Variants in SLC45A3 observed in about 807,000 individuals in gnomAD.
SLC45A3 encodes solute carrier family 45 member 3.
Under a neutral mutation model 35.3 loss-of-function variants are expected in SLC45A3, and 17 were observed. The ratio of observed to expected loss-of-function variants is 0.48; its 90% confidence interval spans 0.33 to 0.72. The LOEUF (loss-of-function observed/expected upper bound fraction) is 0.72, where lower values mean the gene tolerates loss of function less well. SLC45A3 is among the 30% of genes least tolerant of loss of function. The probability of loss-of-function intolerance (pLI) is 0.02; values close to 1 mark genes in which losing one functional copy is unlikely to be tolerated. For missense variants in SLC45A3, 597 were observed against 731.7 expected, an observed-to-expected ratio of 0.82 and a Z score of 2.12; for synonymous variants, 288 against 334.3, an observed-to-expected ratio of 0.86 and a Z score of 1.51.
At chr1:205,672,987 T>C (rs1671244591) in intron 1 of SLC45A3, among the ~76,000 whole-genome samples, 1 of 152,146 alleles carries the variant, frequency 6.6e-6, no homozygotes, top group African/African-American at 2.4e-5. Flanking sequence ...TACTTTGTAT[T>C]TGGACTTTCA....
At chr1:205,675,345 ACCTGC>A (rs1450929831) in intron 1 of SLC45A3, among the ~76,000 whole-genome samples, 2 of 152,176 alleles carry the variant, frequency 1.3e-5, no homozygotes, top group African/African-American at 4.8e-5. Context: ...AGTTTCTATG[ACCTGC>A]CCTGGAAAAG....
chr1:205,661,044 C>G (rs1671013739), intron 4 of SLC45A3, among the ~76,000 whole-genome samples: 1 of 152,252 alleles, frequency 6.6e-6, no homozygotes, highest in African/African-American at 2.4e-5. Flanking sequence ...GCATCTCCTC[C>G]TCCCTTGGGA....
rs1671388089 is a variant in SLC45A3, at chr1:205,680,438, C to G, written c.-275G>C. The stretch of plus-strand genomic sequence containing the variant: ...GTCACCCGGAGCCAGCGCGTGCAGG[C>G]TGGTTCCGCCCCCCCTTCCTTGCCC... On this transcript the variant is annotated 5_prime_UTR_variant, in exon 1 of 5. Transcript: ENST00000367145. 1 of 152,706 alleles carries G rather than the reference C, an allele frequency of 6.5e-6. No homozygotes were observed. Among genetic ancestry groups the G allele is most frequent in the Non-Finnish European group, 1.5e-5 (1 of 68,476 alleles). The allele number at this position is 152,706 out of a possible 1,614,324, so 9.5% of individuals were successfully genotyped here. A position where few individuals can be genotyped will look rare whatever the true frequency, so the allele number is the denominator to read the frequency against.
chr1:205,674,682 T>C (rs1671281956), intron 1 of SLC45A3, among the ~76,000 whole-genome samples: 2 of 151,656 alleles, frequency 1.3e-5, no homozygotes, highest in Non-Finnish European at 2.9e-5. Context: ...CAAGAGCCCT[T>C]AGAAATGAAA....
rs1671181711 is a variant in SLC45A3 at position 205,669,921 on chromosome 1, C to A, written c.-230-5035G>T. On this transcript the variant is annotated intron_variant, in intron 1 of 4. Transcript: ENST00000367145. The surrounding 1 kb of genome is among the most constrained non-coding windows in gnomAD (Gnocchi z 4.1). ...GTGAGATGGCAGAGAAGGGGCAACC[C>A]CAGCACCTTGCTCCAAACTGAGCTC... Among the ~76,000 whole-genome samples the A allele has an allele frequency of 6.6e-6, 1 of 152,202 alleles. No individual in the cohort carries two copies. Among genetic ancestry groups the A allele is most frequent in the Admixed American group, 6.5e-5 (1 of 15,286 alleles).
rs769387708 is a variant in SLC45A3 at position 205,664,587 on chromosome 1, G to C, written c.70C>G (p.Leu24Val). ...RKAQLLLVNL[L>V]TFGLEVCLAA... ...AAACACACCTCCAGGCCAAAGGTTA[G>C]CAGGTTGACCAGCAAGAGCTGGGCT... The change falls in exon 2 of 5, where the codon CTA becomes GTA. Residue 24 changes from leucine to valine, a missense_variant. Around this residue, in one of 3 missense-constraint regions of SLC45A3, gnomAD observed 37 missense variants for 41.1 expected, o/e 0.90. Coordinates refer to ENST00000367145, the MANE Select transcript of SLC45A3 (RefSeq NM_033102.3). The surrounding 1 kb of genome is among the most constrained non-coding windows in gnomAD (Gnocchi z 5.3). The C allele has an allele frequency of 6.2e-6, 10 of 1,614,282 alleles. No individual in the cohort carries two copies. The highest frequency in any genetic ancestry group is 3.3e-4 in the Middle Eastern group (2 of 6,060).
In SLC45A3 at chr1:205,662,731, A is replaced by T; in HGVS notation, c.958+102T>A. 2 of 1,487,116 alleles carry T rather than the reference A, an allele frequency of 1.3e-6. No individual in the cohort carries two copies. Among genetic ancestry groups the T allele is most frequent in the Non-Finnish European group, 8.9e-7 (1 of 1,123,574 alleles). 92.1% of individuals were successfully genotyped at this position (1,487,116 alleles called of 1,614,324 possible). A position where few individuals can be genotyped will look rare whatever the true frequency, so the allele number is the denominator to read the frequency against. ...TCCATCCCCACTTTCCTGACAGAGA[A>T]GTCGGGGCCAGGATGGAGAGGCACC... is the stretch of plus-strand genomic sequence containing the variant. On this transcript the variant is annotated intron_variant, in intron 3 of 4. Transcript: ENST00000367145. The surrounding 1 kb of genome is among the most constrained non-coding windows in gnomAD (Gnocchi z 6.2).
chr1:205,669,917 A>G lies in SLC45A3; in HGVS notation c.-230-5031T>C, dbSNP rs3902968. The stretch of plus-strand genomic sequence containing the variant: ...GTCAGTGAGATGGCAGAGAAGGGGC[A>G]ACCCCAGCACCTTGCTCCAAACTGA... On this transcript the variant is annotated intron_variant, in intron 1 of 4. Transcript: ENST00000367145. This position sits in a 1 kb window ranked among gnomAD's most constrained non-coding sequence, Gnocchi z 4.1. Among the ~76,000 whole-genome samples, 77,901 of 152,076 alleles carry G rather than the reference A, an allele frequency of 0.51. 22,568 individuals are homozygous for G. The highest frequency in any genetic ancestry group is 0.77 in the African/African-American group (32,099 of 41,530).
chr1:205,666,746 G>A lies in SLC45A3; in HGVS notation c.-230-1860C>T, dbSNP rs1413846354. Among the ~76,000 whole-genome samples, 1 of 152,244 alleles carries A rather than the reference G, an allele frequency of 6.6e-6. No homozygotes were observed. The highest frequency in any genetic ancestry group is 1.9e-4 in the East Asian group (1 of 5,202). ...CCCATACTGTCTCCAAAAGGAAGGT[G>A]GAAGGCCAGACCTCAGTCTTAGCTG... On this transcript the variant is annotated intron_variant, in intron 1 of 4. Coordinates refer to ENST00000367145, the MANE Select transcript of SLC45A3 (RefSeq NM_033102.3). This position sits in a 1 kb window ranked among gnomAD's most constrained non-coding sequence, Gnocchi z 4.1.
In SLC45A3 at chr1:205,659,166, G is replaced by T; in HGVS notation, c.*68C>A. On this transcript the variant is annotated 3_prime_UTR_variant, in exon 5 of 5. Transcript: ENST00000367145. The surrounding 1 kb of genome is among the most constrained non-coding windows in gnomAD (Gnocchi z 5.8). The stretch of plus-strand genomic sequence containing the variant: ...TGGCGGCCAGCCCGGCAGCCCCATG[G>T]GGCTAACAGGAGCGGGGAGCTGGGA... 2 of 1,511,218 alleles carry T rather than the reference G, an allele frequency of 1.3e-6. No individual in the cohort carries two copies. The highest frequency in any genetic ancestry group is 9.0e-7 in the Non-Finnish European group (1 of 1,116,014). The allele number at this position is 1,511,218 out of a possible 1,614,324, so 93.6% of individuals were successfully genotyped here. A position where few individuals can be genotyped will look rare whatever the true frequency, so the allele number is the denominator to read the frequency against.
rs113561964 is a variant in SLC45A3, at chr1:205,675,007, C to T, written c.-231+5387G>A. ...CTGGGATTACAGGCGTGAGCCACCGCGCCCAGCCTAAGTATCCATTTTTAT... is the reference window on the plus strand; with the variant it reads ...CTGGGATTACAGGCGTGAGCCACCGTGCCCAGCCTAAGTATCCATTTTTAT... On this transcript the variant is annotated intron_variant, in intron 1 of 4. Transcript: ENST00000367145. Among the ~76,000 whole-genome samples, 811 of 152,314 alleles carry T rather than the reference C, an allele frequency of 5.3e-3. 7 individuals are homozygous for T. Among genetic ancestry groups the T allele is most frequent in the African/African-American group, 0.019 (780 of 41,560 alleles).
In SLC45A3 at chr1:205,659,604, A is replaced by C. The variant is rs1409052781; in HGVS notation, c.1292T>G (p.Phe431Cys). Residue 431 changes from phenylalanine (F) to cysteine (C), a missense_variant, in exon 5 of 5, where the codon TTC (phenylalanine) becomes TGC (cysteine). Physicochemically the swap from Phe to Cys is radical, Grantham distance 205. Around this residue, in one of 3 missense-constraint regions of SLC45A3, gnomAD observed 555 missense variants for 664.9 expected, o/e 0.83. Coordinates refer to ENST00000367145, the MANE Select transcript of SLC45A3 (RefSeq NM_033102.3). The surrounding 1 kb of genome is among the most constrained non-coding windows in gnomAD (Gnocchi z 5.8). ...AGCTCCAGGCTTAGGGCCTGGCAGG[A>C]AGCTGGTCATCAGGCTGTCCTCACT... Reference protein sequence around the residue: ...ASSEDSLMTSFLPGPKPGAPF... With the variant: ...ASSEDSLMTSCLPGPKPGAPF... 4.5e-6 allele frequency: 7 copies of C among 1,561,314 alleles called. No homozygotes were observed. Among genetic ancestry groups the C allele is most frequent in the Non-Finnish European group, 6.1e-6 (7 of 1,155,586 alleles).
chr1:205,663,220 A>G lies in SLC45A3; in HGVS notation c.571T>C (p.Tyr191His). The G allele has an allele frequency of 6.2e-7, 1 of 1,613,534 alleles. No homozygotes were observed. The highest frequency in any genetic ancestry group is 1.1e-5 in the South Asian group (1 of 91,074). The change falls in exon 3 of 5, where the codon TAC becomes CAC. Residue 191 changes from tyrosine to histidine, a missense_variant. Transcript: ENST00000367145. ...AGGCACTCCTCCTGGGTGCCCAGGT[A>G]GGGGGCCAGGGCACTGGTGTCCCAG... Reference protein sequence around the residue: ...IDWDTSALAPYLGTQEECLFG... With the variant: ...IDWDTSALAPHLGTQEECLFG...
chr1:205,670,680 AG>A (rs1439722808), intron 1 of SLC45A3, among the ~76,000 whole-genome samples: 10 of 152,168 alleles, frequency 6.6e-5, no homozygotes, highest in Non-Finnish European at 8.8e-5. Context: ...AGAGAGGGTG[AG>A]GGGGCTGCAG....
At position 205,664,741 on chromosome 1, in the gene SLC45A3, T is replaced by A; in HGVS notation, c.-85A>T. 2 of 1,528,682 alleles carry A rather than the reference T, an allele frequency of 1.3e-6. No individual in the cohort carries two copies. The highest frequency in any genetic ancestry group is 1.8e-6 in the Non-Finnish European group (2 of 1,142,114). 94.7% of individuals were successfully genotyped at this position (1,528,682 alleles called of 1,614,324 possible). A position where few individuals can be genotyped will look rare whatever the true frequency, so the allele number is the denominator to read the frequency against. ...CGGCTCTGCTCCAGAAGCTGCGGCC[T>A]CTCCTCCTTGCTGCCGCCAACTGCC... On this transcript the variant is annotated 5_prime_UTR_variant, in exon 2 of 5. Transcript: ENST00000367145. The surrounding 1 kb of genome is among the most constrained non-coding windows in gnomAD (Gnocchi z 5.3).
chr1:205,662,125 G>A lies in SLC45A3; in HGVS notation c.960C>T (p.Gly320=), dbSNP rs769235687. The stretch of plus-strand genomic sequence containing the variant: ...ACAGCCCCAGGCTGCCCATCCGAAC[G>A]CCTGCAGAGGGAGAGGGGCCATCAG... ...GTEARRHYDE[G]VRMGSLGLFL... is the part of the protein sequence containing the mutation. The change falls in exon 4 of 5, where the codon GGC becomes GGT. Residue 320 remains glycine (G), a splice_region_variant and synonymous_variant. Transcript: ENST00000367145. The surrounding 1 kb of genome is among the most constrained non-coding windows in gnomAD (Gnocchi z 6.2). 29 of 1,611,210 alleles carry A rather than the reference G, an allele frequency of 1.8e-5. No homozygotes were observed. The highest frequency in any genetic ancestry group is 2.3e-5 in the Non-Finnish European group (27 of 1,178,140).
In SLC45A3 at chr1:205,662,906, G is replaced by A. The variant is rs202134707; in HGVS notation, c.885C>T (p.Phe295=). Residue 295 remains phenylalanine (F), a synonymous_variant, in exon 3 of 5, where the codon TTC becomes TTT. Transcript: ENST00000367145. The surrounding 1 kb of genome is among the most constrained non-coding windows in gnomAD (Gnocchi z 6.2). ...LMTFTLFYTD[F]VGEGLYQGVP... ...CGCCCTGGTACAGCCCCTCGCCCAC[G>A]AAATCCGTGTAAAACAGCGTGAAGG... The A allele has an allele frequency of 8.1e-6, 13 of 1,613,076 alleles. No individual in the cohort carries two copies. The highest frequency in any genetic ancestry group is 2.2e-5 in the East Asian group (1 of 44,882).
At chr1:205,665,499 T>A (rs1398497052) in intron 1 of SLC45A3, among the ~76,000 whole-genome samples, 1 of 152,124 alleles carries the variant, frequency 6.6e-6, no homozygotes, top group Non-Finnish European at 1.5e-5. Context: ...TCCCTTGAGT[T>A]TCTCCCTGAG....
rs143103785 is a variant in SLC45A3 at position 205,662,966 on chromosome 1, G to A, written c.825C>T (p.Phe275=). The change falls in exon 3 of 5, where the codon TTC becomes TTT. Residue 275 remains phenylalanine (F), a synonymous_variant. Transcript: ENST00000367145. The surrounding 1 kb of genome is among the most constrained non-coding windows in gnomAD (Gnocchi z 6.2). ...CRMPRTLRRL[F]VAELCSWMAL... ...CCATCCAGCTGCACAGCTCAGCCAC[G>A]AAGAGCCGGCGCAGGGTGCGGGGCA... is the stretch of plus-strand genomic sequence containing the variant. 3.5e-5 allele frequency: 57 copies of A among 1,613,658 alleles called. No homozygotes were observed. The African/African-American group carries it at 6.0e-4, about 17-fold the overall frequency.
Sources: gnomAD v4.1 joint callset for allele counts (sites outside exome capture counted in the v4.1 genomes callset) on GRCh38, gnomAD v4.1.1 for gene constraint, gnomAD v4.1.1 regional missense constraint, Gnocchi (gnomAD v3.1) non-coding constraint, MANE v1.5 for transcripts, NCBI Gene and HGNC (gene_info 2026-07-23, HGNC 2026-07-21) for gene names.